Variants in NCOR2 observed in about 807,000 individuals in gnomAD.
NCOR2 encodes the protein CTG repeat protein 26.
NCOR2 carries 81 observed loss-of-function variants against 262.9 expected under a neutral mutation model. That is an observed-to-expected ratio of 0.31 (90% CI 0.26 to 0.37). The LOEUF is 0.37. NCOR2 is among the 10% of genes least tolerant of loss of function. The pLI is 1.00. For synonymous variants in NCOR2, 1,659 were observed against 1,559.3 expected (o/e 1.06, Z -1.51); for missense variants, 3,385 against 3,621.4 (o/e 0.93, Z 1.68).
At chr12:124,344,561 G>T (rs2036762161) in intron 32 of NCOR2, 36 bp downstream of exon 34, 1 of 1,412,400 alleles carries the variant, frequency 7.1e-7, no homozygotes, top group Non-Finnish European at 9.3e-7. Flanking sequence ...CCAGACAGGC[G>T]CCCACCCCAC....
exon 11 of NCOR2, chr12:124,426,691 A>G: frequency 6.2e-7 from 1 of 1,611,848 alleles, no homozygotes; most frequent in Non-Finnish European, 8.5e-7. Context: ...GTACACCTTC[A>G]TGGGGTCGGC....
At chr12:124,472,909 G>T in intron 4 of NCOR2, 43 bp downstream of exon 6, 1 of 1,608,484 alleles carries the variant, frequency 6.2e-7, no homozygotes. Flanking sequence ...TGCTAGAATG[G>T]AGACTCAGAA....
intron 20 of NCOR2, among the ~76,000 whole-genome samples, chr12:124,364,067 C>T (rs1188668371): frequency 6.6e-6 from 1 of 152,180 alleles, no homozygotes; most frequent in Non-Finnish European, 1.5e-5. Flanking sequence ...CAGGCCCCAT[C>T]AGGGGCCAAG....
intron 4 of NCOR2, among the ~76,000 whole-genome samples, chr12:124,469,167 A>C (rs1367966400): frequency 2.0e-5 from 3 of 152,118 alleles, no homozygotes; most frequent in African/African-American, 7.2e-5. Context: ...CCCATTCTGC[A>C]ATGTGACAGG....
At chr12:124,466,184 C>T in exon 5 of NCOR2, 1 of 1,608,238 alleles carries the variant, frequency 6.2e-7, no homozygotes, top group Non-Finnish European at 8.5e-7. Context: ...CGGTTCTCGT[C>T]GTAGATGATC....
At position 124,362,236 on chromosome 12, in the gene NCOR2, G is replaced by A. The variant is rs557265827; in HGVS notation, c.2990C>T (p.Pro997Leu). The change falls in exon 22 of 47, where the codon CCA becomes CTA. Residue 997 changes from proline (P) to leucine (L), a missense_variant. This residue lies in a region of NCOR2 where 1,615 missense variants were observed against 1,626.9 expected (regional missense o/e 0.99). Transcript: ENST00000405201. ...CAGGTTTTGCGGTGGCGGTGGGGCT[G>A]GGGGAGCTGGCTTGGTGGGAGCTGC... 6.1e-6 allele frequency: 8 copies of A among 1,315,670 alleles called. No individual in the cohort carries two copies. In the East Asian group the frequency reaches 1.4e-4, roughly 23 times the overall value. 81.5% of individuals were successfully genotyped at this position (1,315,670 alleles called of 1,614,324 possible). A position where few individuals can be genotyped will look rare whatever the true frequency, so the allele number is the denominator to read the frequency against.
At chr12:124,372,182 C>T (rs373358465) in exon 20 of NCOR2, 67 of 1,601,230 alleles carry the variant, frequency 4.2e-5, no homozygotes, top group Non-Finnish European at 4.8e-5. Context: ...GTGGCCTCAG[C>T]GGCCTCCGCG....
Position 124,532,890 on chromosome 12 carries a change from C to T in NCOR2, c.-118+2675G>A, listed in dbSNP as rs372174269. 6.7e-5 allele frequency among the ~76,000 whole-genome samples: 10 copies of T among 149,872 alleles called. No individual in the cohort carries two copies. The East Asian group carries it at 2.0e-3, about 30-fold the overall frequency. On this transcript the variant is annotated intron_variant, in intron 1 of 46. Coordinates refer to the NCOR2 transcript ENST00000404621. ...TCCTCCTTCCCCCACCTCCAAATCCCACTCCTCTTTCCCCCCTCCCTCCAA... is the reference window on the plus strand; with the variant it reads ...TCCTCCTTCCCCCACCTCCAAATCCTACTCCTCTTTCCCCCCTCCCTCCAA...
chr12:124,479,392 TG>T (rs2047292235), intron 3 of NCOR2, among the ~76,000 whole-genome samples: 1 of 149,098 alleles, frequency 6.7e-6, no homozygotes, highest in Non-Finnish European at 1.5e-5. Flanking sequence ...CAAACACGCA[TG>T]GACACACGCA....
intron 8 of NCOR2, among the ~76,000 whole-genome samples, chr12:124,435,504 G>C (rs1261951512): frequency 1.3e-5 from 2 of 152,250 alleles, no homozygotes; most frequent in Non-Finnish European, 2.9e-5. Context: ...CCAGCATCTG[G>C]CTGGAAGTGT....
intron 1 of NCOR2, among the ~76,000 whole-genome samples, chr12:124,505,298 G>A (rs933023067): frequency 1.3e-5 from 2 of 152,278 alleles, no homozygotes; most frequent in Non-Finnish European, 2.9e-5. Flanking sequence ...GGGCCCCCCG[G>A]TGCCATGGCC....
intron 1 of NCOR2, among the ~76,000 whole-genome samples, chr12:124,542,142 G>A (rs1043799890): frequency 1.3e-5 from 2 of 151,778 alleles, no homozygotes; most frequent in African/African-American, 4.9e-5. Flanking sequence ...TCAGAACTGT[G>A]GGGCTCCAGC....
At chr12:124,554,742 G>A (rs764852255) in intron 1 of NCOR2, among the ~76,000 whole-genome samples, 6 of 152,372 alleles carry the variant, frequency 3.9e-5, no homozygotes, top group Admixed American at 6.5e-5. Flanking sequence ...GTGCCGCTGC[G>A]GCAAGGGGGC....
chr12:124,551,033 A>G (rs559000393), intron 1 of NCOR2, among the ~76,000 whole-genome samples: 2 of 152,372 alleles, frequency 1.3e-5, no homozygotes, highest in African/African-American at 4.8e-5. Context: ...GCACCAGCAC[A>G]TGGTGAAAAC....
At chr12:124,484,274 A>G (rs2047661469) in intron 2 of NCOR2, among the ~76,000 whole-genome samples, 1 of 152,184 alleles carries the variant, frequency 6.6e-6, no homozygotes, top group Admixed American at 6.5e-5. Flanking sequence ...CCGATCGCAG[A>G]ACTCTTGCTG....
exon 15 of NCOR2, chr12:124,400,628 C>T: frequency 6.2e-7 from 1 of 1,614,186 alleles, no homozygotes; most frequent in Non-Finnish European, 8.5e-7. Context: ...AGGCCACAGC[C>T]TCCTTCTCGT....
intron 7 of NCOR2, among the ~76,000 whole-genome samples, chr12:124,439,414 CAGAGAGAGAGAGAG>C (rs773057938): frequency 2.8e-5 from 1 of 35,220 alleles, no homozygotes; most frequent in African/African-American, 1.0e-4. Flanking sequence ...GACAGAGACC[CAGAGAGAGAGAGAG>C]AGAGACAGAG....
chr12:124,331,029 A>T, intron 43 of NCOR2, 131 bp from the exon 46 acceptor site: 1 of 860,524 alleles, frequency 1.2e-6, no homozygotes, highest in Non-Finnish European at 1.8e-6. Flanking sequence ...GTTCTCATGC[A>T]GCAGGCCTGG....
At chr12:124,341,997 C>T (rs1472227526) in exon 34 of NCOR2, 1 of 1,613,212 alleles carries the variant, frequency 6.2e-7, no homozygotes, top group African/African-American at 1.3e-5. Context: ...TCGGGGTAGC[C>T]GCGGATGAGG....
Sources: gnomAD v4.1 joint callset for allele counts (sites outside exome capture counted in the v4.1 genomes callset) on GRCh38, gnomAD v4.1.1 for gene constraint, gnomAD v4.1.1 regional missense constraint, MANE v1.5 for transcripts, NCBI Gene and HGNC (gene_info 2026-07-23, HGNC 2026-07-21) for gene names.